Variants in BMP6 observed in about 807,000 individuals in gnomAD.
BMP6 encodes the protein bone morphogenetic protein 6.
In BMP6, 17 loss-of-function variants were observed where a neutral mutation model predicts 54.1. The observed-to-expected ratio is 0.31, with a 90% CI of 0.22 to 0.47. The LOEUF (loss-of-function observed/expected upper bound fraction) is 0.47. BMP6 is among the 20% of genes least tolerant of loss of function. The pLI, the probability that BMP6 is intolerant of heterozygous loss-of-function variation, is 1.00. For missense variants in BMP6, 720 were observed against 690.4 expected (o/e 1.04, Z -0.48); for synonymous variants, 328 against 291.2 (o/e 1.13, Z -1.28).
At chr6:7,814,402 C>T (rs1313627560) in intron 1 of BMP6, among the ~76,000 whole-genome samples, 1 of 152,168 alleles carries the variant, frequency 6.6e-6, no homozygotes. Context: ...CTCTTAGCTT[C>T]TCTTCATTCA....
At chr6:7,862,844 T>A (rs1041784752) in intron 4 of BMP6, among the ~76,000 whole-genome samples, 2 of 152,140 alleles carry the variant, frequency 1.3e-5, no homozygotes, top group Admixed American at 6.5e-5. Flanking sequence ...TGCGTTATGC[T>A]GGGGGGTTAT....
chr6:7,777,323 T>G (rs889290520), intron 1 of BMP6, among the ~76,000 whole-genome samples: 4 of 152,212 alleles, frequency 2.6e-5, no homozygotes, highest in Non-Finnish European at 4.4e-5. Context: ...AGGCACATAC[T>G]TCAAACGGGC....
intron 1 of BMP6, among the ~76,000 whole-genome samples, chr6:7,776,692 C>G (rs1581243051): frequency 6.6e-6 from 1 of 152,278 alleles, no homozygotes; most frequent in African/African-American, 2.4e-5. Flanking sequence ...GCTCTATCAC[C>G]TAGGCTTGAG....
At chr6:7,878,882 C>T in intron 4 of BMP6, among the ~76,000 whole-genome samples, 192 bp from the exon 5 acceptor site, 1 of 152,182 alleles carries the variant, frequency 6.6e-6, no homozygotes. Flanking sequence ...CCAGGGTAGA[C>T]AAAACGGATT....
rs76776191 is a variant in BMP6 at position 7,827,974 on chromosome 6, T to C, written c.665-17166T>C. Among the ~76,000 whole-genome samples, 80 of 152,338 alleles carry C rather than the reference T, an allele frequency of 5.3e-4. 1 individual carries two copies. The East Asian group carries it at 0.014, about 26-fold the overall frequency. On this transcript the variant is annotated intron_variant, in intron 1 of 6. Coordinates refer to ENST00000283147, the MANE Select transcript of BMP6 (RefSeq NM_001718.6). ...TTTAGTTAACACAGAAGTTATGTGA[T>C]TTATATTTTTTAAGAACAGAAAGAT...
At chr6:7,728,102 T>C (rs1020861474) in intron 1 of BMP6, among the ~76,000 whole-genome samples, 4 of 151,892 alleles carry the variant, frequency 2.6e-5, no homozygotes, top group African/African-American at 9.7e-5. Flanking sequence ...TTTTAGGGAA[T>C]CCGACAGCGG....
chr6:7,775,963 C>T (rs980767601), intron 1 of BMP6, among the ~76,000 whole-genome samples: 1 of 152,190 alleles, frequency 6.6e-6, no homozygotes, highest in East Asian at 1.9e-4. Flanking sequence ...AATGAAACAG[C>T]ACTTCCTCTA....
chr6:7,850,944 G>T (rs1380014399), intron 2 of BMP6, among the ~76,000 whole-genome samples: 1 of 152,118 alleles, frequency 6.6e-6, no homozygotes, highest in Non-Finnish European at 1.5e-5. Flanking sequence ...CTATATATGT[G>T]TGAGTCCATT....
At chr6:7,761,851 C>T (rs1006841880) in intron 1 of BMP6, among the ~76,000 whole-genome samples, 3 of 152,286 alleles carry the variant, frequency 2.0e-5, no homozygotes, top group South Asian at 2.1e-4. Flanking sequence ...CCCACTTGTC[C>T]GTAACTTCCT....
chr6:7,880,014 C>G lies in BMP6; in HGVS notation c.1305C>G (p.Gly435=). Residue 435 remains glycine, a synonymous_variant, in exon 6 of 7, where the codon GGC becomes GGG. Coordinates refer to ENST00000283147, the MANE Select transcript of BMP6 (RefSeq NM_001718.6). ...GWQDWIIAPK[G]YAANYCDGEC... ...AGGACTGGATCATTGCACCCAAGGG[C>G]TATGCTGCCAATTACTGTGATGGAG... The G allele has an allele frequency of 6.2e-7, 1 of 1,614,180 alleles. No homozygotes were observed. The highest frequency in any genetic ancestry group is 8.5e-7 in the Non-Finnish European group (1 of 1,180,016).
intron 1 of BMP6, among the ~76,000 whole-genome samples, chr6:7,755,830 T>TA (rs1757507058): frequency 6.6e-6 from 1 of 152,174 alleles, no homozygotes. Context: ...AGATTGACAG[T>TA]ATTTATTTCC....
chr6:7,742,095 A>G (rs1179855287), intron 1 of BMP6, among the ~76,000 whole-genome samples: 2 of 152,238 alleles, frequency 1.3e-5, no homozygotes, highest in African/African-American at 4.8e-5. Flanking sequence ...ACTGTGAAGC[A>G]TGTGTGCTAT....
chr6:7,827,800 C>A (rs79525732), intron 1 of BMP6, among the ~76,000 whole-genome samples: 88 of 152,274 alleles, frequency 5.8e-4, no homozygotes, highest in African/African-American at 1.9e-3. Flanking sequence ...GAATGTTTCC[C>A]ACTTTATTTC....
At chr6:7,769,984 C>A (rs1249553709) in intron 1 of BMP6, among the ~76,000 whole-genome samples, 3 of 152,152 alleles carry the variant, frequency 2.0e-5, no homozygotes, top group Admixed American at 2.0e-4. Flanking sequence ...TAGTAGACTA[C>A]TATTTTAGCA....
At chr6:7,798,185 C>G (rs915897154) in intron 1 of BMP6, among the ~76,000 whole-genome samples, 1 of 152,198 alleles carries the variant, frequency 6.6e-6, no homozygotes, top group Admixed American at 6.5e-5. Context: ...CACATATGTC[C>G]TTATTTCTGT....
intron 1 of BMP6, among the ~76,000 whole-genome samples, chr6:7,775,066 C>T (rs1224322015): frequency 6.6e-6 from 1 of 152,212 alleles, no homozygotes; most frequent in African/African-American, 2.4e-5. Context: ...TGGCATTAAT[C>T]CATTCATGAA....
At chr6:7,737,363 G>T (rs1761970658) in intron 1 of BMP6, among the ~76,000 whole-genome samples, 1 of 152,150 alleles carries the variant, frequency 6.6e-6, no homozygotes, top group Non-Finnish European at 1.5e-5. Context: ...TGTATGAAGG[G>T]AAGAGTAAGA....
chr6:7,786,481 TAAA>T (rs1758022730), intron 1 of BMP6, among the ~76,000 whole-genome samples: 1 of 107,456 alleles, frequency 9.3e-6, no homozygotes, highest in Non-Finnish European at 1.9e-5. Flanking sequence ...TTTTTTTTTT[TAAA>T]TAAAATCCCT....
intron 1 of BMP6, among the ~76,000 whole-genome samples, chr6:7,793,367 G>C (rs1166973909): frequency 6.6e-6 from 1 of 152,172 alleles, no homozygotes; most frequent in Non-Finnish European, 1.5e-5. Flanking sequence ...CCAAGGGTTT[G>C]GGGGAAGGAG....
Sources: gnomAD v4.1 joint callset for allele counts (sites outside exome capture counted in the v4.1 genomes callset) on GRCh38, gnomAD v4.1.1 for gene constraint, MANE v1.5 for transcripts, NCBI Gene and HGNC (gene_info 2026-07-23, HGNC 2026-07-21) for gene names.